ASB3: variants seen among roughly 807,000 people sequenced by gnomAD.
ASB3 encodes the protein ankyrin repeat and SOCS box protein 3.
In ASB3, 41 loss-of-function variants were observed where a neutral mutation model predicts 54.5. That is an observed-to-expected ratio of 0.75 (90% CI 0.59 to 0.98). The LOEUF (loss-of-function observed/expected upper bound fraction) is 0.98. ASB3 is among the 50% of genes least tolerant of loss of function. The pLI, the probability that ASB3 is intolerant of heterozygous loss-of-function variation, is 0.00. For synonymous variants in ASB3, 266 were observed against 221.2 expected (o/e 1.20, Z -1.80); for missense variants, 733 against 620.0 (o/e 1.18, Z -1.94).
At chr2:53,696,295 CTTAA>C (rs1249313829) in intron 8 of ASB3, among the ~76,000 whole-genome samples, 1 of 152,150 alleles carries the variant, frequency 6.6e-6, no homozygotes. Flanking sequence ...TTTACTAGTT[CTTAA>C]TTCTTTTCTA....
At chr2:53,779,158 T>C (rs1261446558) in intron 1 of ASB3, among the ~76,000 whole-genome samples, 1 of 152,252 alleles carries the variant, frequency 6.6e-6, no homozygotes, top group Non-Finnish European at 1.5e-5. Context: ...TTTTTTCATG[T>C]ATCTGTTGGC....
chr2:53,671,742 A>C lies in ASB3; in HGVS notation c.1370-1052T>G, dbSNP rs1037305859. Among the ~76,000 whole-genome samples, 63 of 147,324 alleles carry C rather than the reference A, an allele frequency of 4.3e-4. 6 individuals are homozygous for C. Among genetic ancestry groups the C allele is most frequent in the African/African-American group, 1.6e-3 (62 of 39,918 alleles). ...CCACTGCACTCCAGCCTGGGCAACAAGAGGGAAACTCCTTCTCAAAAAAAA... is the reference window on the plus strand; with the variant it reads ...CCACTGCACTCCAGCCTGGGCAACACGAGGGAAACTCCTTCTCAAAAAAAA... On this transcript the variant is annotated intron_variant, in intron 9 of 9. Coordinates refer to ENST00000263634, the MANE Select transcript of ASB3 (RefSeq NM_016115.5).
At chr2:53,778,623 T>C (rs1470152787) in intron 1 of ASB3, among the ~76,000 whole-genome samples, 1 of 152,226 alleles carries the variant, frequency 6.6e-6, no homozygotes, top group Non-Finnish European at 1.5e-5. Context: ...AATATATAAG[T>C]AAGCACATAT....
intron 9 of ASB3, 86 bp from the exon 10 acceptor site, chr2:53,670,776 T>C (rs1413161162): frequency 7.0e-7 from 1 of 1,423,104 alleles, no homozygotes; most frequent in Non-Finnish European, 9.4e-7. Context: ...TTCCCCCAAC[T>C]CTTAGTAATA....
intron 5 of ASB3, among the ~76,000 whole-genome samples, chr2:53,721,072 C>A (rs1336487958): frequency 1.3e-5 from 2 of 150,994 alleles, no homozygotes; most frequent in Non-Finnish European, 2.9e-5. Flanking sequence ...GAGCCAAGAT[C>A]ATGCCACTGC....
chr2:53,720,411 T>C (rs1244307885), intron 5 of ASB3, among the ~76,000 whole-genome samples: 2 of 152,174 alleles, frequency 1.3e-5, no homozygotes, highest in Non-Finnish European at 2.9e-5. Context: ...TCTCAGATAT[T>C]TGGGGTTCAC....
intron 2 of ASB3, among the ~76,000 whole-genome samples, chr2:53,764,025 A>G (rs1673298028): frequency 6.6e-6 from 1 of 152,200 alleles, no homozygotes; most frequent in African/African-American, 2.4e-5. Flanking sequence ...AAGACAAAAA[A>G]AAGAAAAAAA....
At chr2:53,759,759 T>G (rs1673038858) in intron 2 of ASB3, among the ~76,000 whole-genome samples, 1 of 152,176 alleles carries the variant, frequency 6.6e-6, no homozygotes, top group African/African-American at 2.4e-5. Context: ...TCCATGCCCC[T>G]TATGTCAAGG....
chr2:53,746,129 T>A (rs529729208), intron 3 of ASB3, among the ~76,000 whole-genome samples: 34 of 151,802 alleles, frequency 2.2e-4, no homozygotes, highest in Admixed American at 1.2e-3. Flanking sequence ...TCTACAAAAA[T>A]TAAACATTAA....
At chr2:53,718,723 G>A (rs1014778987) in intron 5 of ASB3, among the ~76,000 whole-genome samples, 5 of 149,788 alleles carry the variant, frequency 3.3e-5, no homozygotes, top group African/African-American at 9.9e-5. Flanking sequence ...CGCCTTTTAC[G>A]AAACATCCTG....
chr2:53,766,109 T>C (rs112145784), intron 1 of ASB3, among the ~76,000 whole-genome samples: 2,461 of 152,334 alleles, frequency 0.016, 28 homozygotes, highest in Middle Eastern at 0.024. Flanking sequence ...CTAGTCTTCC[T>C]GCACCTGCTT....
At chr2:53,675,063 T>A (rs909812117) in intron 9 of ASB3, among the ~76,000 whole-genome samples, 2 of 152,194 alleles carry the variant, frequency 1.3e-5, no homozygotes, top group Non-Finnish European at 2.9e-5. Context: ...GACTTTCAGT[T>A]ACCTTTCCAT....
chr2:53,742,484 A>G (rs907308057), intron 3 of ASB3, among the ~76,000 whole-genome samples: 1 of 152,222 alleles, frequency 6.6e-6, no homozygotes, highest in Admixed American at 6.5e-5. Flanking sequence ...ACCACAAACC[A>G]AAGGAAAATT....
At chr2:53,766,218 G>T (rs1018239973) in intron 1 of ASB3, among the ~76,000 whole-genome samples, 2 of 152,166 alleles carry the variant, frequency 1.3e-5, no homozygotes, top group African/African-American at 4.8e-5. Flanking sequence ...ACCATGAAGA[G>T]ATGAGCCCGG....
intron 3 of ASB3, among the ~76,000 whole-genome samples, chr2:53,744,972 C>T (rs1366806769): frequency 6.6e-6 from 1 of 151,980 alleles, no homozygotes; most frequent in Non-Finnish European, 1.5e-5. Flanking sequence ...AATGAAAAAC[C>T]ATCCATCAAA....
At chr2:53,779,893 C>T (rs1314155477) in intron 1 of ASB3, among the ~76,000 whole-genome samples, 3 of 152,146 alleles carry the variant, frequency 2.0e-5, no homozygotes, top group Non-Finnish European at 2.9e-5. Flanking sequence ...AAATTGATTT[C>T]GTCTAAAGTT....
At chr2:53,686,496 G>A (rs1160968251) in intron 9 of ASB3, among the ~76,000 whole-genome samples, 1 of 151,944 alleles carries the variant, frequency 6.6e-6, no homozygotes, top group African/African-American at 2.4e-5. Flanking sequence ...TTCTAATCTT[G>A]TTCAGTTCCC....
chr2:53,758,763 T>C (rs987065743), intron 2 of ASB3, among the ~76,000 whole-genome samples: 1 of 152,168 alleles, frequency 6.6e-6, no homozygotes, highest in African/African-American at 2.4e-5. Flanking sequence ...GACGCTCTAG[T>C]CCTCTGGGAT....
chr2:53,695,128 A>T (rs1014195091), intron 8 of ASB3, among the ~76,000 whole-genome samples: 6 of 152,156 alleles, frequency 3.9e-5, no homozygotes, highest in Non-Finnish European at 2.9e-5. Context: ...CGGAGCAACA[A>T]CAACTGAAGA....
Sources: allele counts gnomAD v4.1 joint callset (sites outside exome capture counted in the v4.1 genomes callset), GRCh38; gene constraint gnomAD v4.1.1; transcripts MANE v1.5; gene names NCBI Gene and HGNC (gene_info 2026-07-23, HGNC 2026-07-21).